The following PLCL1 variants were observed in gnomAD, a reference collection of about 807,000 sequenced individuals.
The protein encoded by PLCL1 is inactive phospholipase C-like protein 1.
PLCL1 carries 41 observed loss-of-function variants against 84.4 expected under a neutral mutation model. The observed-to-expected ratio is 0.49, with a 90% CI of 0.38 to 0.63. The LOEUF (loss-of-function observed/expected upper bound fraction) is 0.63, where lower values mean the gene tolerates loss of function less well. Ranked by LOEUF, PLCL1 falls within the 30% of genes least tolerant of loss-of-function variation. The pLI is 0.00. For missense variants in PLCL1, 1,206 were observed against 1,367.8 expected, an observed-to-expected ratio of 0.88 and a Z score of 1.87; for synonymous variants, 490 against 488.3, an observed-to-expected ratio of 1.00 and a Z score of -0.05.
chr2:198,028,837 T>C (rs918741207), intron 1 of PLCL1, among the ~76,000 whole-genome samples: 14 of 152,204 alleles, frequency 9.2e-5, no homozygotes, highest in African/African-American at 3.4e-4. Context: ...GATTCCATCT[T>C]GGAGCTCCCC....
At chr2:198,106,728 A>T (rs1449006629) in intron 5 of PLCL1, among the ~76,000 whole-genome samples, 1 of 151,948 alleles carries the variant, frequency 6.6e-6, no homozygotes. Flanking sequence ...TTTTGTGATC[A>T]GCACTCAAGG....
chr2:198,017,502 G>T (rs1263844190), intron 1 of PLCL1, among the ~76,000 whole-genome samples: 2 of 152,212 alleles, frequency 1.3e-5, no homozygotes, highest in Non-Finnish European at 2.9e-5. Flanking sequence ...CTTATGTAAA[G>T]AATGAAAGGA....
At chr2:197,951,436 C>T (rs951355866) in intron 1 of PLCL1, among the ~76,000 whole-genome samples, 4 of 152,046 alleles carry the variant, frequency 2.6e-5, no homozygotes, top group African/African-American at 9.7e-5. Context: ...GCTGGCTCTT[C>T]CCCTGAAATT....
Position 197,901,631 on chromosome 2 carries a change from A to G in PLCL1, c.240+96292A>G, listed in dbSNP as rs150282178. Among the ~76,000 whole-genome samples the G allele has an allele frequency of 7.2e-5, 11 of 152,336 alleles. No individual in the cohort carries two copies. In the South Asian group the frequency reaches 1.2e-3, roughly 17 times the overall value. ...AGAAGGAAGGATATTTCCAACTGAGAGAGAGAGAGGAAGCAGAGACCGAGA... is the reference window on the plus strand; with the variant it reads ...AGAAGGAAGGATATTTCCAACTGAGGGAGAGAGAGGAAGCAGAGACCGAGA... On this transcript the variant is annotated intron_variant, in intron 1 of 5. Coordinates refer to ENST00000428675, the MANE Select transcript of PLCL1 (RefSeq NM_006226.4).
chr2:197,938,843 A>T (rs886580727), intron 1 of PLCL1, among the ~76,000 whole-genome samples: 10 of 152,094 alleles, frequency 6.6e-5, no homozygotes, highest in Admixed American at 6.6e-5. Context: ...AGCTATTAAA[A>T]CCCATATTTT....
Position 198,017,011 on chromosome 2 carries a change from G to A in PLCL1, c.241-66747G>A, listed in dbSNP as rs188842920. On this transcript the variant is annotated intron_variant, in intron 1 of 5. Transcript: ENST00000428675. ...CTTCTGCAGATTTTGGTGGGGAGGC[G>A]GTAATAGGGGAATGAAGGTGGAGCC... Among the ~76,000 whole-genome samples the A allele has an allele frequency of 4.5e-3, 679 of 152,130 alleles. 5 individuals carry two copies. The highest frequency in any genetic ancestry group is 0.016 in the African/African-American group (650 of 41,482).
At chr2:198,012,515 G>A (rs1309478261) in intron 1 of PLCL1, among the ~76,000 whole-genome samples, 1 of 151,902 alleles carries the variant, frequency 6.6e-6, no homozygotes, top group East Asian at 1.9e-4. Flanking sequence ...AAGTCCTTCG[G>A]CCAATATGTG....
chr2:198,078,903 A>C (rs2105891876), intron 1 of PLCL1, among the ~76,000 whole-genome samples: 1 of 152,212 alleles, frequency 6.6e-6, no homozygotes. Flanking sequence ...TAAAAGTTAC[A>C]ATTTAACCAT....
At chr2:197,977,839 T>A (rs1275701235) in intron 1 of PLCL1, among the ~76,000 whole-genome samples, 1 of 152,184 alleles carries the variant, frequency 6.6e-6, no homozygotes, top group Non-Finnish European at 1.5e-5. Flanking sequence ...CATAAGCCAA[T>A]CAAAATGGAA....
intron 1 of PLCL1, among the ~76,000 whole-genome samples, chr2:197,891,374 G>T (rs1311476008): frequency 6.6e-6 from 1 of 152,114 alleles, no homozygotes; most frequent in Non-Finnish European, 1.5e-5. Flanking sequence ...GATTAAGATT[G>T]CTCCATCCCA....
intron 1 of PLCL1, among the ~76,000 whole-genome samples, chr2:197,851,367 T>C (rs1332989967): frequency 6.6e-6 from 1 of 152,238 alleles, no homozygotes; most frequent in African/African-American, 2.4e-5. Flanking sequence ...AGTAATTACG[T>C]AGCTTATCAA....
chr2:198,072,581 A>G (rs1480192387), intron 1 of PLCL1, among the ~76,000 whole-genome samples: 2 of 152,014 alleles, frequency 1.3e-5, no homozygotes, highest in African/African-American at 4.8e-5. Context: ...GAATGCGTCT[A>G]AATCTTCAGC....
rs76077102 is a variant in PLCL1, at chr2:197,984,704, A to T, written c.241-99054A>T. ...TGTTTCTACTGATGTTGTTTATAAC[A>T]AGAGAGTGAGAAGGCCCAGTGAAAC... On this transcript the variant is annotated intron_variant, in intron 1 of 5. Coordinates refer to ENST00000428675, the MANE Select transcript of PLCL1 (RefSeq NM_006226.4). Among the ~76,000 whole-genome samples, 1,079 of 152,336 alleles carry T rather than the reference A, an allele frequency of 7.1e-3. 12 individuals are homozygous for T. The highest frequency in any genetic ancestry group is 0.024 in the African/African-American group (1,011 of 41,568).
intron 1 of PLCL1, among the ~76,000 whole-genome samples, chr2:197,868,004 C>T (rs1316136843): frequency 6.6e-6 from 1 of 152,066 alleles, no homozygotes; most frequent in African/African-American, 2.4e-5. Context: ...ATGATTGATC[C>T]TGTAGGTAAA....
chr2:197,957,070 A>G (rs1389443531), intron 1 of PLCL1, among the ~76,000 whole-genome samples: 1 of 151,736 alleles, frequency 6.6e-6, no homozygotes, highest in African/African-American at 2.4e-5. Context: ...ACCTCTTTTG[A>G]TATTGTTCTC....
At position 198,084,569 on chromosome 2, in the gene PLCL1, A is replaced by T. The variant is rs1044196095; in HGVS notation, c.1052A>T (p.Asp351Val). The T allele has an allele frequency of 6.2e-6, 10 of 1,613,282 alleles. No individual in the cohort carries two copies. In the African/African-American group the frequency reaches 9.3e-5, roughly 15 times the overall value. Residue 351 changes from aspartate (D) to valine (V), a missense_variant, in exon 2 of 6, where the codon GAT becomes GTT. Physicochemically the swap from Asp to Val is radical, Grantham distance 152. Transcript: ENST00000428675. ...CAAGGAGTCACCCATATCACCGAGGATATATGCTTAGACATCATAAGGAGA... is the reference window on the plus strand; with the variant it reads ...CAAGGAGTCACCCATATCACCGAGGTTATATGCTTAGACATCATAAGGAGA... ...AEQGVTHITE[D>V]ICLDIIRRYE...
intron 1 of PLCL1, among the ~76,000 whole-genome samples, chr2:198,015,322 A>G (rs1690971586): frequency 6.6e-6 from 1 of 152,190 alleles, no homozygotes; most frequent in Admixed American, 6.5e-5. Flanking sequence ...TACAAGCATA[A>G]ATATAAAAAG....
At chr2:198,069,630 A>G (rs376668463) in intron 1 of PLCL1, among the ~76,000 whole-genome samples, 1 of 152,194 alleles carries the variant, frequency 6.6e-6, no homozygotes, top group Non-Finnish European at 1.5e-5. Context: ...AGATATTCTC[A>G]GGAGGCAATA....
chr2:198,136,597 C>G (rs532666534), intron 5 of PLCL1, among the ~76,000 whole-genome samples: 1 of 152,042 alleles, frequency 6.6e-6, no homozygotes, highest in Non-Finnish European at 1.5e-5. Flanking sequence ...CACTCGTCAG[C>G]TAGTGTGTTC....
Sources: gnomAD v4.1 joint callset for allele counts (sites outside exome capture counted in the v4.1 genomes callset) on GRCh38, gnomAD v4.1.1 for gene constraint, MANE v1.5 for transcripts, NCBI Gene and HGNC (gene_info 2026-07-23, HGNC 2026-07-21) for gene names.